CDH8: variants seen among roughly 807,000 people sequenced by gnomAD.
CDH8 encodes cadherin 8.
Under a neutral mutation model 68.1 loss-of-function variants are expected in CDH8, and 17 were observed. The ratio of observed to expected loss-of-function variants is 0.25; its 90% CI spans 0.17 to 0.37. CDH8 has a LOEUF of 0.37. CDH8 is among the 10% of genes least tolerant of loss of function. CDH8 has a pLI of 1.00. For missense variants in CDH8, 763 were observed against 999.3 expected (o/e 0.76, Z 3.19); for synonymous variants, 372 against 365.1 (o/e 1.02, Z -0.21).
intron 10 of CDH8, chr16:61,692,226 C>T (rs771957671): frequency 6.6e-6 from 1 of 152,058 alleles, no homozygotes; most frequent in East Asian, 1.9e-4. Context: ...ACGTGATGAC[C>T]AATTTTGTAA....
chr16:61,652,900 T>C lies in CDH8; in HGVS notation c.*708A>G. 1 of 1,526,398 alleles carries C rather than the reference T, an allele frequency of 6.6e-7. No individual in the cohort carries two copies. The highest frequency in any genetic ancestry group is 8.8e-7 in the Non-Finnish European group (1 of 1,142,334). 94.6% of individuals were successfully genotyped at this position (1,526,398 alleles called of 1,614,324 possible). A position where few individuals can be genotyped will look rare whatever the true frequency, so the allele number is the denominator to read the frequency against. ...AGGAGGGAACGAGGAATCCTGCTTC[T>C]AGAAAACAAGCATGTTTGAATGGGA... is the stretch of plus-strand genomic sequence containing the variant. On this transcript the variant is annotated 3_prime_UTR_variant, in exon 12 of 12. Coordinates refer to ENST00000577390, the MANE Select transcript of CDH8 (RefSeq NM_001796.5).
chr16:61,892,097 T>C (rs1161200887), intron 3 of CDH8, among the ~76,000 whole-genome samples: 3 of 152,174 alleles, frequency 2.0e-5, no homozygotes, highest in Non-Finnish European at 2.9e-5. Context: ...AGTTCAGAAA[T>C]ATTCTTTATT....
intron 2 of CDH8, among the ~76,000 whole-genome samples, chr16:62,017,212 T>G (rs560396453): frequency 2.0e-5 from 3 of 152,304 alleles, no homozygotes; most frequent in South Asian, 4.1e-4. Flanking sequence ...CAAAAATCCT[T>G]TTCTTTGCGG....
chr16:61,861,208 G>T (rs1274190982), intron 3 of CDH8, among the ~76,000 whole-genome samples: 1 of 152,106 alleles, frequency 6.6e-6, no homozygotes, highest in Non-Finnish European at 1.5e-5. Flanking sequence ...CAGGCAGTTT[G>T]ATACAAAATA....
intron 10 of CDH8, among the ~76,000 whole-genome samples, chr16:61,708,705 A>G (rs1435415178): frequency 6.6e-6 from 1 of 152,240 alleles, no homozygotes; most frequent in Non-Finnish European, 1.5e-5. Context: ...CTTTTTATCA[A>G]CAGCACATTG....
chr16:61,806,620 T>G (rs1961787815), intron 7 of CDH8, among the ~76,000 whole-genome samples: 1 of 128,770 alleles, frequency 7.8e-6, no homozygotes, highest in African/African-American at 2.9e-5. Context: ...CAAACAAATT[T>G]ACAAGAAAAA....
chr16:61,781,107 C>A (rs1245520870), intron 8 of CDH8, among the ~76,000 whole-genome samples: 1 of 152,210 alleles, frequency 6.6e-6, no homozygotes, highest in African/African-American at 2.4e-5. Flanking sequence ...CCTTGTCACC[C>A]TGCAGCTAAC....
chr16:61,935,953 T>C (rs1964620941), intron 2 of CDH8, among the ~76,000 whole-genome samples: 1 of 152,014 alleles, frequency 6.6e-6, no homozygotes, highest in Non-Finnish European at 1.5e-5. Flanking sequence ...ATTGTGAAGG[T>C]TTACAGCACA....
intron 2 of CDH8, among the ~76,000 whole-genome samples, chr16:61,981,987 G>T (rs940805810): frequency 3.3e-5 from 5 of 152,052 alleles, no homozygotes; most frequent in Non-Finnish European, 5.9e-5. Flanking sequence ...TTTCAGGAAA[G>T]AAAGTCATTA....
intron 7 of CDH8, among the ~76,000 whole-genome samples, chr16:61,817,169 A>C (rs1201654783): frequency 6.6e-6 from 1 of 152,212 alleles, no homozygotes; most frequent in African/African-American, 2.4e-5. Context: ...AAAAATAACA[A>C]GATCCACCCA....
Position 61,649,262 on chromosome 16 carries a change from C to G in CDH8, c.*4346G>C, listed in dbSNP as rs1238671052. On this transcript the variant is annotated 3_prime_UTR_variant, in exon 12 of 12. Coordinates refer to ENST00000577390, the MANE Select transcript of CDH8 (RefSeq NM_001796.5). ...ACAAATAAAAAGCTGCTTTTAAAAC[C>G]CTTTACCCTCAATTCAACTTCTTTC... The G allele has an allele frequency of 6.6e-6, 1 of 151,732 alleles. No individual in the cohort carries two copies. The highest frequency in any genetic ancestry group is 2.4e-5 in the African/African-American group (1 of 41,348). The allele number at this position is 151,732 out of a possible 1,614,324, so 9.4% of individuals were successfully genotyped here.
At chr16:61,869,217 TG>T (rs1469604217) in intron 3 of CDH8, among the ~76,000 whole-genome samples, 2 of 152,070 alleles carry the variant, frequency 1.3e-5, no homozygotes, top group African/African-American at 2.4e-5. Flanking sequence ...TTCCTGGTCT[TG>T]GAGTACCAAT....
chr16:61,832,103 C>T (rs555049501), intron 4 of CDH8, among the ~76,000 whole-genome samples: 2 of 151,542 alleles, frequency 1.3e-5, no homozygotes, highest in African/African-American at 4.8e-5. Context: ...GTATATATAA[C>T]CAGACATACT....
chr16:61,723,478 TC>T (rs1287915206), intron 9 of CDH8, among the ~76,000 whole-genome samples: 1 of 150,970 alleles, frequency 6.6e-6, no homozygotes, highest in East Asian at 1.9e-4. Flanking sequence ...AGAGGTCTTT[TC>T]ATTGAGATAG....
chr16:61,749,610 A>T (rs1960107275), intron 8 of CDH8, among the ~76,000 whole-genome samples: 1 of 152,060 alleles, frequency 6.6e-6, no homozygotes, highest in Non-Finnish European at 1.5e-5. Context: ...TCAAGATAAT[A>T]CCTATCTCAG....
At chr16:61,876,874 G>A (rs980622438) in intron 3 of CDH8, among the ~76,000 whole-genome samples, 1 of 152,034 alleles carries the variant, frequency 6.6e-6, no homozygotes, top group Non-Finnish European at 1.5e-5. Flanking sequence ...GGGTCTTATA[G>A]TCAATAAGAG....
At chr16:61,971,260 A>T (rs952067571) in intron 2 of CDH8, among the ~76,000 whole-genome samples, 25 of 152,140 alleles carry the variant, frequency 1.6e-4, no homozygotes, top group Non-Finnish European at 3.2e-4. Flanking sequence ...TGGTGTCTTC[A>T]CACGGACGTG....
chr16:61,677,248 C>T (rs1963930825), intron 10 of CDH8, among the ~76,000 whole-genome samples: 1 of 150,604 alleles, frequency 6.6e-6, no homozygotes, highest in South Asian at 2.1e-4. Flanking sequence ...AGGTAAATGA[C>T]ATAATCTCGT....
chr16:61,702,208 T>C (rs896374381), intron 10 of CDH8, among the ~76,000 whole-genome samples: 2 of 152,014 alleles, frequency 1.3e-5, no homozygotes, highest in Non-Finnish European at 2.9e-5. Context: ...CCGTCTCTAC[T>C]AAAAATACAA....
Sources: allele counts gnomAD v4.1 joint callset (sites outside exome capture counted in the v4.1 genomes callset), GRCh38; gene constraint gnomAD v4.1.1; transcripts MANE v1.5; gene names NCBI Gene and HGNC (gene_info 2026-07-23, HGNC 2026-07-21).